PCDHGB4: variants seen among roughly 807,000 people sequenced by gnomAD.
PCDHGB4 encodes protocadherin gamma-B4.
A neutral mutation model predicts 60.5 loss-of-function variants in PCDHGB4; 38 were observed. The observed-to-expected ratio is 0.63, with a 90% CI of 0.48 to 0.82. The LOEUF (loss-of-function observed/expected upper bound fraction) is 0.82. Ranked by LOEUF, PCDHGB4 falls within the 40% of genes least tolerant of loss-of-function variation. PCDHGB4 has a pLI of 0.00. For missense variants in PCDHGB4, 1,109 were observed against 1,209.6 expected (o/e 0.92, Z 1.23); for synonymous variants, 456 against 509.7 (o/e 0.89, Z 1.42).
At position 141,491,369 on chromosome 5, in the gene PCDHGB4, CCTTT is replaced by C; in HGVS notation, c.2398-3435_2398-3432del. ...AGTCTCTTATCCCTAGTCACCTTCACCTTTCTGTCAGCGAAGTGCCTTCAGGGAA... is the reference window on the plus strand; with the variant it reads ...AGTCTCTTATCCCTAGTCACCTTCACCTGTCAGCGAAGTGCCTTCAGGGAA... On this transcript the variant is annotated intron_variant, in intron 1 of 3. Transcript: ENST00000519479. The surrounding 1 kb of genome is among the most constrained non-coding windows in gnomAD (Gnocchi z 6.9). 1 of 1,614,110 alleles carries C rather than the reference CCTTT, an allele frequency of 6.2e-7. No individual in the cohort carries two copies. Among genetic ancestry groups the C allele is most frequent in the Non-Finnish European group, 8.5e-7 (1 of 1,179,996 alleles).
At chr5:141,488,207 TC>T (rs2099672969) in intron 1 of PCDHGB4, among the ~76,000 whole-genome samples, 1 of 152,216 alleles carries the variant, frequency 6.6e-6, no homozygotes, top group Non-Finnish European at 1.5e-5. Context: ...AGGACTCATA[TC>T]AAGTCCCTAC....
intron 1 of PCDHGB4, chr5:141,418,665 A>G: frequency 6.2e-7 from 1 of 1,614,070 alleles, no homozygotes; most frequent in Middle Eastern, 1.6e-4. Flanking sequence ...GCCACTGACC[A>G]GGACGAGGGC....
intron 1 of PCDHGB4, chr5:141,400,317 G>A: frequency 6.2e-7 from 1 of 1,614,078 alleles, no homozygotes; most frequent in Middle Eastern, 1.6e-4. Flanking sequence ...TCTGTGTCAA[G>A]TCTGGACCTG....
At chr5:141,408,438 C>T (rs749271632) in intron 1 of PCDHGB4, 1 of 1,614,014 alleles carries the variant, frequency 6.2e-7, no homozygotes. Context: ...AGCGTAGACG[C>T]GGAGAGCGGG....
intron 1 of PCDHGB4, among the ~76,000 whole-genome samples, chr5:141,434,888 C>T (rs1287540129): frequency 6.6e-6 from 1 of 150,944 alleles, no homozygotes; most frequent in Non-Finnish European, 1.5e-5. Flanking sequence ...AACAACAATC[C>T]AGTCCCCTTC....
chr5:141,410,517 C>A, intron 1 of PCDHGB4: 1 of 1,613,926 alleles, frequency 6.2e-7, no homozygotes, highest in Non-Finnish European at 8.5e-7. Context: ...TGCAGTGTGC[C>A]CCTACATTCC....
chr5:141,454,172 C>T (rs1001368287), intron 1 of PCDHGB4, among the ~76,000 whole-genome samples: 4 of 152,126 alleles, frequency 2.6e-5, no homozygotes, highest in Non-Finnish European at 5.9e-5. Context: ...TCTAGAAGGG[C>T]AGCTAAAGGA....
chr5:141,421,455 C>A (rs762490406), intron 1 of PCDHGB4: 1 of 1,614,108 alleles, frequency 6.2e-7, no homozygotes, highest in South Asian at 1.1e-5. Flanking sequence ...CACAGCTTTT[C>A]GCTGTGAATC....
At chr5:141,478,625 T>A in intron 1 of PCDHGB4, 3 of 1,554,218 alleles carry the variant, frequency 1.9e-6, no homozygotes, top group Non-Finnish European at 2.6e-6. Context: ...ATGGAGCTGT[T>A]TTTTTAGTGA....
rs536970079 is a variant in PCDHGB4 at position 141,405,367 on chromosome 5, T to C, written c.2397+15086T>C. The C allele has an allele frequency of 1.9e-5, 30 of 1,613,694 alleles. No homozygotes were observed. In the African/African-American group the frequency reaches 3.2e-4, roughly 17 times the overall value. The stretch of plus-strand genomic sequence containing the variant: ...CCAAGTTTCCTATAGAAGACACCCC[T>C]TTGGTTCCGGTGAGTTCATTTTTTT... On this transcript the variant is annotated intron_variant, in intron 1 of 3. Transcript: ENST00000519479.
At chr5:141,480,894 C>CA (rs1235468010) in intron 1 of PCDHGB4, among the ~76,000 whole-genome samples, 15 of 151,848 alleles carry the variant, frequency 9.9e-5, no homozygotes, top group African/African-American at 3.4e-4. Context: ...AAAATGCAAA[C>CA]ATTAGCTGGG....
At chr5:141,407,985 A>C in intron 1 of PCDHGB4, 6 of 789,616 alleles carry the variant, frequency 7.6e-6, no homozygotes, top group Non-Finnish European at 1.1e-5. Flanking sequence ...GGGATCCGTC[A>C]GCCTCTGGCC....
rs772345742 is a variant in PCDHGB4 at position 141,398,560 on chromosome 5, T to C, written c.2397+8279T>C. 17 of 1,613,792 alleles carry C rather than the reference T, an allele frequency of 1.1e-5. No individual in the cohort carries two copies. The Admixed American group carries it at 2.2e-4, about 21-fold the overall frequency. ...TTCCTTTGAGCTGCAAATAAGTGAG[T>C]CTGCACAGCCTGGCACAAGATTTAT... On this transcript the variant is annotated intron_variant, in intron 1 of 3. Transcript: ENST00000519479.
chr5:141,423,332 C>G, intron 1 of PCDHGB4: 2 of 1,614,198 alleles, frequency 1.2e-6, no homozygotes, highest in Non-Finnish European at 1.7e-6. Flanking sequence ...GCCGCAGTCT[C>G]CTGCATCTTC....
chr5:141,431,830 C>G lies in PCDHGB4; in HGVS notation c.2397+41549C>G, dbSNP rs1354008481. 1 of 1,614,078 alleles carries G rather than the reference C, an allele frequency of 6.2e-7. No homozygotes were observed. The highest frequency in any genetic ancestry group is 8.5e-7 in the Non-Finnish European group (1 of 1,180,034). The stretch of plus-strand genomic sequence containing the variant: ...TCACCTCTCTCGCCAGCTCGGTTCC[C>G]GAAAACTCTCCCAGAGGGACATTAA... On this transcript the variant is annotated intron_variant, in intron 1 of 3. Coordinates refer to ENST00000519479, the MANE Select transcript of PCDHGB4 (RefSeq NM_003736.4). This position sits in a 1 kb window ranked among gnomAD's most constrained non-coding sequence, Gnocchi z 4.8.
At chr5:141,433,097 G>A (rs777101945) in intron 1 of PCDHGB4, 11 of 1,614,044 alleles carry the variant, frequency 6.8e-6, no homozygotes, top group Admixed American at 3.3e-5. Flanking sequence ...AGACATGCTC[G>A]TCAGCCAGGA....
At chr5:141,408,301 C>A in intron 1 of PCDHGB4, 1 of 1,613,756 alleles carries the variant, frequency 6.2e-7, no homozygotes, top group Non-Finnish European at 8.5e-7. Flanking sequence ...GTGAGCCGAT[C>A]CGCTACTCGA....
chr5:141,460,277 A>C (rs2154566827), intron 1 of PCDHGB4, among the ~76,000 whole-genome samples: 1 of 152,124 alleles, frequency 6.6e-6, no homozygotes, highest in African/African-American at 2.4e-5. Context: ...TTTCTTTTAT[A>C]GTTTGTATTT....
At position 141,476,946 on chromosome 5, in the gene PCDHGB4, G is replaced by A; in HGVS notation, c.2398-17861G>A. ...ACGGATCTGGATGAAGGCCCCAACG[G>A]TGAAATTATTTACTCCTTCGGCAGC... On this transcript the variant is annotated intron_variant, in intron 1 of 3. Transcript: ENST00000519479. The surrounding 1 kb of genome is among the most constrained non-coding windows in gnomAD (Gnocchi z 7.6). The A allele has an allele frequency of 6.2e-7, 1 of 1,614,206 alleles. No individual in the cohort carries two copies. Among genetic ancestry groups the A allele is most frequent in the Non-Finnish European group, 8.5e-7 (1 of 1,180,044 alleles).
Sources: gnomAD v4.1 joint callset for allele counts (sites outside exome capture counted in the v4.1 genomes callset) on GRCh38, gnomAD v4.1.1 for gene constraint, Gnocchi (gnomAD v3.1) non-coding constraint, MANE v1.5 for transcripts, NCBI Gene and HGNC (gene_info 2026-07-23, HGNC 2026-07-21) for gene names.